The following RAPGEF6 variants were observed in gnomAD, a reference collection of about 807,000 sequenced individuals.
The protein encoded by RAPGEF6 is Rap guanine nucleotide exchange factor 6, also known as PDZ domain containing guanine nucleotide exchange factor (GEF) 2.
RAPGEF6 carries 56 observed loss-of-function variants against 171.4 expected under a neutral mutation model. That is an observed-to-expected ratio of 0.33 (90% CI 0.26 to 0.41). The LOEUF (loss-of-function observed/expected upper bound fraction) is 0.41. Ranked by LOEUF, RAPGEF6 falls within the 10% of genes least tolerant of loss-of-function variation. The pLI is 1.00. For synonymous variants in RAPGEF6, 692 were observed against 650.1 expected, an observed-to-expected ratio of 1.06 and a Z score of -0.98; for missense variants, 1,674 against 1,921.4, an observed-to-expected ratio of 0.87 and a Z score of 2.41.
At chr5:131,573,439 T>G (rs1248674470) in intron 4 of RAPGEF6, among the ~76,000 whole-genome samples, 2 of 151,884 alleles carry the variant, frequency 1.3e-5, no homozygotes, top group African/African-American at 4.8e-5. Context: ...TCTAACTCAG[T>G]CCTACAATCT....
intron 10 of RAPGEF6, 63 bp downstream of exon 10, chr5:131,505,301 C>CA: frequency 6.5e-7 from 1 of 1,534,932 alleles, no homozygotes; most frequent in Non-Finnish European, 8.9e-7. Context: ...TTGAGGAAGA[C>CA]AAAACAGGCT....
At position 131,562,002 on chromosome 5, in the gene RAPGEF6, T is replaced by C; in HGVS notation, c.327A>G (p.Val109=). ...CCACAATCATTTCTGAAGGCTCTAATACAAGACAATCACATCCTCTTTTTC... is the reference window on the plus strand; with the variant it reads ...CCACAATCATTTCTGAAGGCTCTAACACAAGACAATCACATCCTCTTTTTC... ...FGGKRGCDCL[V]LEPSEMIVVE... Residue 109 remains valine, a synonymous_variant, in exon 5 of 28, where the codon GTA becomes GTG. Coordinates refer to ENST00000509018, the MANE Select transcript of RAPGEF6 (RefSeq NM_016340.6). 2 of 1,593,098 alleles carry C rather than the reference T, an allele frequency of 1.3e-6. No individual in the cohort carries two copies. Among genetic ancestry groups the C allele is most frequent in the Non-Finnish European group, 1.7e-6 (2 of 1,171,414 alleles).
chr5:131,598,688 G>A (rs1289668202), intron 3 of RAPGEF6, among the ~76,000 whole-genome samples: 1 of 152,086 alleles, frequency 6.6e-6, no homozygotes, highest in African/African-American at 2.4e-5. Context: ...TGTTTATGTT[G>A]GAAAAACACC....
At chr5:131,483,715 A>T (rs1755660246) in intron 15 of RAPGEF6, among the ~76,000 whole-genome samples, 1 of 152,178 alleles carries the variant, frequency 6.6e-6, no homozygotes, top group Non-Finnish European at 1.5e-5. Context: ...CAACTCTTTA[A>T]AAAGAGTTGA....
At position 131,427,161 on chromosome 5, in the gene RAPGEF6, G is replaced by C. The variant is rs771070749; in HGVS notation, c.*105C>G. ...TAGAGGGAATAAAACCTCTGGACTG[G>C]TTGTAGCAATGAGCTGTTCGTTAGC... On this transcript the variant is annotated 3_prime_UTR_variant, in exon 28 of 28. Transcript: ENST00000509018. 2.4e-5 allele frequency: 25 copies of C among 1,040,490 alleles called. No individual in the cohort carries two copies. Among genetic ancestry groups the C allele is most frequent in the Middle Eastern group, 4.0e-4 (2 of 4,948 alleles). The allele number at this position is 1,040,490 out of a possible 1,614,324, so 64.5% of individuals were successfully genotyped here. A position where few individuals can be genotyped will look rare whatever the true frequency, so the allele number is the denominator to read the frequency against.
Position 131,424,713 on chromosome 5 carries a change from G to C in RAPGEF6, c.*2553C>G, listed in dbSNP as rs1397651305. 1.3e-5 allele frequency: 2 copies of C among 152,212 alleles called. No homozygotes were observed. The highest frequency in any genetic ancestry group is 4.8e-5 in the African/African-American group (2 of 41,410). 9.4% of individuals were successfully genotyped at this position (152,212 alleles called of 1,614,324 possible). On this transcript the variant is annotated 3_prime_UTR_variant, in exon 28 of 28. Coordinates refer to ENST00000509018, the MANE Select transcript of RAPGEF6 (RefSeq NM_016340.6). The stretch of plus-strand genomic sequence containing the variant: ...AAATTAGAATTATTAACTTTAATAA[G>C]CTTTTATGGAATCATGTACTGGATT...
In RAPGEF6 at chr5:131,425,886, C is replaced by CTTTTTTTTT. The variant is rs376096619; in HGVS notation, c.*1371_*1379dup. 4 of 84,432 alleles carry CTTTTTTTTT rather than the reference C, an allele frequency of 4.7e-5. No individual in the cohort carries two copies. The highest frequency in any genetic ancestry group is 1.4e-4 in the Admixed American group (1 of 7,218). 5.2% of individuals were successfully genotyped at this position (84,432 alleles called of 1,614,324 possible). On this transcript the variant is annotated 3_prime_UTR_variant, in exon 28 of 28. Coordinates refer to ENST00000509018, the MANE Select transcript of RAPGEF6 (RefSeq NM_016340.6). ...GGGTAGTGCACGTTAATGGCTTTGG[C>CTTTTTTTTT]TTTTTTTTTTTTTTTTTTTTTGGTA...
chr5:131,590,739 A>G (rs924101098), intron 4 of RAPGEF6, among the ~76,000 whole-genome samples: 1 of 152,234 alleles, frequency 6.6e-6, no homozygotes, highest in African/African-American at 2.4e-5. Context: ...TTAAAAAGAT[A>G]AACTTCATTG....
intron 6 of RAPGEF6, among the ~76,000 whole-genome samples, chr5:131,547,508 CTTTT>C (rs537121153): frequency 7.5e-6 from 1 of 132,460 alleles, no homozygotes. Context: ...ACACAGCTTA[CTTTT>C]TTTTTTTTTT....
intron 24 of RAPGEF6, 86 bp from the exon 25 acceptor site, chr5:131,433,744 C>A: frequency 9.9e-7 from 1 of 1,011,790 alleles, no homozygotes; most frequent in Non-Finnish European, 1.4e-6. Flanking sequence ...AAAAAAAAAC[C>A]CCACAAAAAT....
At chr5:131,526,759 T>C (rs1758892927) in intron 6 of RAPGEF6, among the ~76,000 whole-genome samples, 1 of 152,144 alleles carries the variant, frequency 6.6e-6, no homozygotes, top group South Asian at 2.1e-4. Context: ...TGACAAAACT[T>C]CCCATTTTCC....
chr5:131,429,279 C>T (rs1160884946), intron 26 of RAPGEF6, 63 bp from the exon 27 acceptor site: 58 of 1,331,344 alleles, frequency 4.4e-5, no homozygotes, highest in Non-Finnish European at 5.0e-5. Flanking sequence ...AAAGAAACCA[C>T]CCCACAAACT....
intron 26 of RAPGEF6, 46 bp from the exon 27 acceptor site, chr5:131,429,262 G>GA (rs756991972): frequency 5.3e-4 from 708 of 1,339,452 alleles, no homozygotes; most frequent in South Asian, 1.2e-3. Flanking sequence ...AAAAGAAATG[G>GA]AAAAAAAAAG....
chr5:131,528,338 TACACACAC>T (rs372339216), intron 6 of RAPGEF6, among the ~76,000 whole-genome samples: 2 of 26,262 alleles, frequency 7.6e-5, no homozygotes, highest in African/African-American at 1.2e-4. Context: ...TATATATATA[TACACACAC>T]ACACACATAT....
At chr5:131,430,236 A>G (rs1287959962) in intron 26 of RAPGEF6, among the ~76,000 whole-genome samples, 4 of 152,142 alleles carry the variant, frequency 2.6e-5, no homozygotes, top group South Asian at 2.1e-4. Flanking sequence ...GTCATTCCAT[A>G]TAAGTAGAAA....
chr5:131,550,608 A>T lies in RAPGEF6; in HGVS notation c.352-2418T>A, dbSNP rs1477856945. On this transcript the variant is annotated intron_variant, in intron 5 of 27. Transcript: ENST00000509018. ...AATCTGCCAAGTAACTTATTTCTTC[A>T]ATTTGTGTTATCATACCCATTCTGT... Among the ~76,000 whole-genome samples the T allele has an allele frequency of 2.0e-5, 3 of 152,312 alleles. No homozygotes were observed. The East Asian group carries it at 5.8e-4, about 29-fold the overall frequency.
chr5:131,581,267 T>C (rs1762943295), intron 4 of RAPGEF6, among the ~76,000 whole-genome samples: 1 of 152,124 alleles, frequency 6.6e-6, no homozygotes, highest in African/African-American at 2.4e-5. Context: ...GTATATAACA[T>C]CAAAAAACTC....
At chr5:131,431,476 G>A (rs1018813015) in intron 25 of RAPGEF6, 127 bp from the exon 26 acceptor site, 7 of 992,642 alleles carry the variant, frequency 7.1e-6, no homozygotes, top group Admixed American at 2.6e-5. Flanking sequence ...AAATAACATC[G>A]TGAGGAAAAC....
chr5:131,436,677 T>C (rs972341674), intron 24 of RAPGEF6, among the ~76,000 whole-genome samples: 3 of 152,066 alleles, frequency 2.0e-5, no homozygotes, highest in African/African-American at 7.2e-5. Flanking sequence ...GGTAAAATCA[T>C]AAGGAAAAAT....
Sources: allele counts gnomAD v4.1 joint callset (sites outside exome capture counted in the v4.1 genomes callset), GRCh38; gene constraint gnomAD v4.1.1; transcripts MANE v1.5; gene names NCBI Gene and HGNC (gene_info 2026-07-23, HGNC 2026-07-21).